KIRREL2: variants seen among roughly 807,000 people sequenced by gnomAD.
KIRREL2 encodes kirre like nephrin family adhesion molecule 2.
A neutral mutation model predicts 73.4 loss-of-function variants in KIRREL2; 56 were observed. The observed-to-expected ratio is 0.76, with a 90% confidence interval of 0.62 to 0.95. The LOEUF is 0.95. Ranked by LOEUF, KIRREL2 falls within the 40% of genes least tolerant of loss-of-function variation. KIRREL2 has a pLI of 0.00. For synonymous variants in KIRREL2, 407 were observed against 404.0 expected (o/e 1.01, Z -0.09); for missense variants, 896 against 935.0 (o/e 0.96, Z 0.54).
In KIRREL2 at chr19:35,862,082, G is replaced by T; in HGVS notation, c.1510+58G>T. On this transcript the variant is annotated intron_variant, in intron 11 of 14. Coordinates refer to ENST00000360202, the MANE Select transcript of KIRREL2 (RefSeq NM_199180.4). ...AGAGTCTAAACCCCACAAACGCAGG[G>T]ATCCCCCAGCCGAGGGCTGCAAAAC... 5.5e-6 allele frequency: 8 copies of T among 1,456,344 alleles called. No homozygotes were observed. In the South Asian group the frequency reaches 9.8e-5, roughly 18 times the overall value. 90.2% of individuals were successfully genotyped at this position (1,456,344 alleles called of 1,614,324 possible). A position where few individuals can be genotyped will look rare whatever the true frequency, so the allele number is the denominator to read the frequency against.
upstream of KIRREL2, among the ~76,000 whole-genome samples, chr19:35,855,704 C>T (rs967547993): frequency 1.6e-3 from 169 of 103,754 alleles, no homozygotes; most frequent in African/African-American, 4.6e-3. Context: ...CACACACACA[C>T]ACATACACAC....
chr19:35,851,489 G>C (rs761152159), upstream of KIRREL2: 2 of 1,613,478 alleles, frequency 1.2e-6, no homozygotes, highest in East Asian at 2.2e-5. Flanking sequence ...GCGGTACCTC[G>C]GGAAGCCTGG....
chr19:35,860,882 A>G (rs770989301), intron 7 of KIRREL2, 27 bp from the exon 8 acceptor site: 81 of 1,612,554 alleles, frequency 5.0e-5, no homozygotes, highest in Non-Finnish European at 6.7e-5. Context: ...CGCCCCGGCC[A>G]TGTGACCCCT....
chr19:35,858,157 G>T (rs1426168131), intron 2 of KIRREL2, among the ~76,000 whole-genome samples: 1 of 151,686 alleles, frequency 6.6e-6, no homozygotes, highest in Non-Finnish European at 1.5e-5. Flanking sequence ...CCTCACTCCA[G>T]AAGTAGTATC....
Position 35,859,577 on chromosome 19 carries a change from C to G in KIRREL2, c.619C>G (p.Arg207Gly), listed in dbSNP as rs373013011. The G allele has an allele frequency of 6.8e-6, 11 of 1,614,100 alleles. No individual in the cohort carries two copies. In the South Asian group the frequency reaches 1.1e-4, roughly 16 times the overall value. Residue 207 changes from arginine to glycine, a missense_variant, in exon 5 of 15, where the codon CGG (arginine) becomes GGG (glycine). Physicochemically the swap from Arg to Gly is moderately radical, Grantham distance 125 (BLOSUM62 -2). Transcript: ENST00000360202. ...TGGAGCCACCTTTGTCTGCCGGGCC[C>G]GGAGCCAGGCCCTGCCCACAGGAAG... The part of the protein sequence containing the change: ...DDGATFVCRA[R>G]SQALPTGRDT...
At position 35,866,157 on chromosome 19, in the gene KIRREL2, G is replaced by A. The variant is rs1334834200; in HGVS notation, c.1792G>A (p.Asp598Asn). Residue 598 changes from aspartate to asparagine, a missense_variant and splice_region_variant, in exon 15 of 15, where the codon GAC becomes AAC. Coordinates refer to ENST00000360202, the MANE Select transcript of KIRREL2 (RefSeq NM_199180.4). ...TACTGAGTCCCATTTGTCCCCTCAG[G>A]ACCCAACCAACGGTTACTACAAGGT... Reference protein sequence around the residue: ...LEEEGTLETKDPTNGYYKVRG... With the variant: ...LEEEGTLETKNPTNGYYKVRG... The A allele has an allele frequency of 6.2e-7, 1 of 1,605,348 alleles. No individual in the cohort carries two copies. Among genetic ancestry groups the A allele is most frequent in the South Asian group, 1.1e-5 (1 of 90,154 alleles).
intron 9 of KIRREL2, 67 bp downstream of exon 9, chr19:35,861,321 G>T: frequency 6.6e-7 from 1 of 1,505,322 alleles, no homozygotes; most frequent in Non-Finnish European, 8.8e-7. Context: ...GAGGGGGCAA[G>T]GGCTAATGCA....
intron 13 of KIRREL2, among the ~76,000 whole-genome samples, chr19:35,863,485 C>T (rs1599869759): frequency 1.4e-5 from 2 of 141,700 alleles, no homozygotes; most frequent in South Asian, 4.6e-4. Context: ...CAGAATTTCA[C>T]TCTGTCACCC....
intron 12 of KIRREL2, 49 bp downstream of exon 12, chr19:35,862,646 C>T (rs971297064): frequency 5.0e-6 from 7 of 1,392,920 alleles, no homozygotes; most frequent in East Asian, 2.3e-5. Context: ...GCCCCACACG[C>T]GCCCTGCCTG....
intron 13 of KIRREL2, 27 bp downstream of exon 13, chr19:35,863,063 A>C (rs964484793): frequency 7.6e-7 from 1 of 1,309,402 alleles, no homozygotes; most frequent in Non-Finnish European, 1.1e-6. Flanking sequence ...CCCAGACCTG[A>C]CTGTGCCTCC....
chr19:35,853,991 T>C (rs1414774602), upstream of KIRREL2, among the ~76,000 whole-genome samples: 1 of 151,980 alleles, frequency 6.6e-6, no homozygotes, highest in Non-Finnish European at 1.5e-5. Flanking sequence ...AATACAGGCA[T>C]TGACCACCAC....
rs1261066851 is a variant in KIRREL2, at chr19:35,862,011, C to T, written c.1497C>T (p.Ser499=). Residue 499 remains serine (S), a synonymous_variant, in exon 11 of 15, where the codon AGC becomes AGT. Transcript: ENST00000360202. ...TGGGCGAGGGAGGTGCCCAGGCCAG[C>T]CTGGGCCGTAGAGGTGAGACCCCAG... The part of the protein sequence containing the change: ...NRLGEGGAQA[S]LGRRDLLPTV... The T allele has an allele frequency of 1.2e-6, 2 of 1,608,876 alleles. No individual in the cohort carries two copies. Among genetic ancestry groups the T allele is most frequent in the East Asian group, 4.5e-5 (2 of 44,728 alleles).
In KIRREL2 at chr19:35,859,554, G is replaced by A. The variant is rs766672838; in HGVS notation, c.596G>A (p.Gly199Glu). ...LTLTPFSHDD[G>E]ATFVCRARSQ... ...CTGACCCCTTTCAGCCATGATGATG[G>A]AGCCACCTTTGTCTGCCGGGCCCGG... Residue 199 changes from glycine to glutamate, a missense_variant, in exon 5 of 15, where the codon GGA (glycine) becomes GAA (glutamate). Physicochemically the swap from Gly to Glu is moderately conservative, Grantham distance 98. Coordinates refer to ENST00000360202, the MANE Select transcript of KIRREL2 (RefSeq NM_199180.4). The A allele has an allele frequency of 1.2e-6, 2 of 1,614,108 alleles. No homozygotes were observed. The highest frequency in any genetic ancestry group is 3.3e-5 in the Admixed American group (2 of 60,024).
chr19:35,866,149 C>A lies in KIRREL2; in HGVS notation c.1792-8C>A. On this transcript the variant is annotated splice_polypyrimidine_tract_variant and splice_region_variant and intron_variant, in intron 14 of 14. Transcript: ENST00000360202. ...ACAGACTTTACTGAGTCCCATTTGT[C>A]CCCTCAGGACCCAACCAACGGTTAC... 1.3e-6 allele frequency: 2 copies of A among 1,593,986 alleles called. No individual in the cohort carries two copies. Among genetic ancestry groups the A allele is most frequent in the Non-Finnish European group, 1.7e-6 (2 of 1,175,182 alleles).
At chr19:35,857,579 A>C in intron 2 of KIRREL2, 85 bp downstream of exon 2, 1 of 1,383,460 alleles carries the variant, frequency 7.2e-7, no homozygotes, top group Non-Finnish European at 9.7e-7. Context: ...CTATTTTGAC[A>C]TTTTCAAGTT....
intron 13 of KIRREL2, among the ~76,000 whole-genome samples, chr19:35,863,502 G>C (rs1458730723): frequency 6.6e-6 from 1 of 150,764 alleles, no homozygotes; most frequent in African/African-American, 2.5e-5. Context: ...ACCCAGGCTG[G>C]AGTACAGTGC....
intron 14 of KIRREL2, among the ~76,000 whole-genome samples, 186 bp downstream of exon 14, chr19:35,864,899 T>G (rs2146883771): frequency 6.6e-6 from 1 of 152,212 alleles, no homozygotes; most frequent in Non-Finnish European, 1.5e-5. Context: ...CCAGCCTCAG[T>G]TTGCCTGTCT....
chr19:35,855,702 CACACATACACACAG>C (rs1227822141), upstream of KIRREL2, among the ~76,000 whole-genome samples: 2 of 130,272 alleles, frequency 1.5e-5, no homozygotes, highest in Non-Finnish European at 1.7e-5. Flanking sequence ...CACACACACA[CACACATACACACAG>C]GACTTAGGAC....
At chr19:35,857,202 G>C in intron 1 of KIRREL2, 22 bp downstream of exon 1, 1 of 1,575,156 alleles carries the variant, frequency 6.3e-7, no homozygotes, top group Non-Finnish European at 8.7e-7. Context: ...GGGGAGCGGA[G>C]GAATATGGGG....
Sources: allele counts gnomAD v4.1 joint callset (sites outside exome capture counted in the v4.1 genomes callset), GRCh38; gene constraint gnomAD v4.1.1; transcripts MANE v1.5; gene names NCBI Gene and HGNC (gene_info 2026-07-23, HGNC 2026-07-21).